TACC1: variants seen among roughly 807,000 people sequenced by gnomAD.
TACC1 encodes transforming acidic coiled-coil containing protein 1, also known as transforming acidic coiled-coil-containing protein 1.
A neutral mutation model predicts 84.4 loss-of-function variants in TACC1; 48 were observed. The ratio of observed to expected loss-of-function variants is 0.57; its 90% confidence interval spans 0.45 to 0.72. The LOEUF (loss-of-function observed/expected upper bound fraction) is 0.72, where lower values mean the gene tolerates loss of function less well. Ranked by LOEUF, TACC1 falls within the 30% of genes least tolerant of loss-of-function variation. The pLI, the probability that TACC1 is intolerant of heterozygous loss-of-function variation, is 0.00. For synonymous variants in TACC1, 372 were observed against 376.3 expected (o/e 0.99, Z 0.13); for missense variants, 920 against 973.0 (o/e 0.95, Z 0.72).
At chr8:38,831,565 G>A (rs1002966795) in intron 6 of TACC1, among the ~76,000 whole-genome samples, 1 of 152,166 alleles carries the variant, frequency 6.6e-6, no homozygotes, top group South Asian at 2.1e-4. Flanking sequence ...GTGCAATCTT[G>A]GCTAACTGCA....
intron 1 of TACC1, among the ~76,000 whole-genome samples, chr8:38,739,725 T>C (rs1806707820): frequency 6.6e-6 from 1 of 152,190 alleles, no homozygotes; most frequent in Non-Finnish European, 1.5e-5. Context: ...CATTACAGTA[T>C]CATATAAAAC....
chr8:38,836,345 C>T (rs1385617091), intron 7 of TACC1, 58 bp downstream of exon 7: 1 of 1,580,788 alleles, frequency 6.3e-7, no homozygotes, highest in Non-Finnish European at 8.6e-7. Flanking sequence ...GGCCCATGTA[C>T]CAGCAGGTAG....
intron 3 of TACC1, chr8:38,824,527 T>A (rs1466529882): frequency 1.3e-5 from 2 of 152,430 alleles, no homozygotes; most frequent in Non-Finnish European, 2.9e-5. Flanking sequence ...ACTTATGTGC[T>A]TGTCTTTGTA....
exon 3 of TACC1, chr8:38,745,418 G>A: frequency 1.5e-6 from 1 of 647,194 alleles, no homozygotes; most frequent in Non-Finnish European, 2.8e-6. Context: ...TAAAAACCAG[G>A]AAAATGGAAC....
At chr8:38,783,102 C>CTATATATATATATA (rs779724480), upstream of TACC1, among the ~76,000 whole-genome samples, 1 of 97,204 alleles carries the variant, frequency 1.0e-5, no homozygotes, top group South Asian at 3.4e-4. Flanking sequence ...ATCTATCTAT[C>CTATATATATATATA]TATCTATATA....
intron 3 of TACC1, among the ~76,000 whole-genome samples, chr8:38,750,664 C>T (rs970241851): frequency 6.6e-6 from 1 of 152,174 alleles, no homozygotes; most frequent in African/African-American, 2.4e-5. Flanking sequence ...TCAATTCTGT[C>T]TCACATACTA....
At chr8:38,808,369 T>G (rs570590690) in intron 2 of TACC1, among the ~76,000 whole-genome samples, 15 of 152,368 alleles carry the variant, frequency 9.8e-5, no homozygotes, top group South Asian at 8.3e-4. Context: ...TAACTTCTTA[T>G]AAAAGTGACT....
chr8:38,790,111 T>A (rs1482468395), intron 2 of TACC1, among the ~76,000 whole-genome samples: 4 of 152,244 alleles, frequency 2.6e-5, no homozygotes, highest in African/African-American at 9.6e-5. Context: ...CCAGGAAGTC[T>A]GTCCTTGCCT....
At chr8:38,796,113 G>A (rs1302380331) in intron 2 of TACC1, among the ~76,000 whole-genome samples, 2 of 152,182 alleles carry the variant, frequency 1.3e-5, no homozygotes, top group Non-Finnish European at 1.5e-5. Context: ...TTTATTAGAT[G>A]TGTTGGGAAC....
chr8:38,790,915 C>T (rs998247314), intron 2 of TACC1, among the ~76,000 whole-genome samples: 2 of 152,196 alleles, frequency 1.3e-5, no homozygotes, highest in African/African-American at 4.8e-5. Context: ...CTGTGTAGCA[C>T]TCTCAGTGAT....
chr8:38,852,229 CTTTAT>C lies in TACC1; in HGVS notation c.*4208_*4212del, dbSNP rs2152352317. ...GACAAACAAGATTCCTAAGGAATGA[CTTTAT>C]TAACTATAATATGGTTACAGCTATT... On this transcript the variant is annotated 3_prime_UTR_variant, in exon 13 of 13. Transcript: ENST00000317827. 3.6e-6 allele frequency: 1 copy of C among 281,446 alleles called. No homozygotes were observed. The highest frequency in any genetic ancestry group is 3.4e-5 in the South Asian group (1 of 29,078). The allele number at this position is 281,446 out of a possible 1,614,324, so 17.4% of individuals were successfully genotyped here.
intron 1 of TACC1, among the ~76,000 whole-genome samples, chr8:38,734,350 A>C (rs1805541235): frequency 6.6e-6 from 1 of 151,838 alleles, no homozygotes; most frequent in South Asian, 2.1e-4. Flanking sequence ...CTGCCACCAC[A>C]CCAGCTAATT....
At chr8:38,800,566 G>C (rs536958813) in intron 2 of TACC1, among the ~76,000 whole-genome samples, 2 of 152,176 alleles carry the variant, frequency 1.3e-5, no homozygotes, top group South Asian at 4.2e-4. Context: ...TCAAGGTTCA[G>C]CTATGTTGTA....
intron 3 of TACC1, among the ~76,000 whole-genome samples, chr8:38,756,811 A>G (rs1446660580): frequency 6.6e-6 from 1 of 152,192 alleles, no homozygotes; most frequent in African/African-American, 2.4e-5. Flanking sequence ...GTTTAGGGGA[A>G]AGAGCATGCC....
rs1201285609 is a variant in TACC1, at chr8:38,840,229, T to C, written c.1922T>C (p.Ile641Thr). The C allele has an allele frequency of 6.2e-7, 1 of 1,608,892 alleles. No individual in the cohort carries two copies. Among genetic ancestry groups the C allele is most frequent in the East Asian group, 2.2e-5 (1 of 44,836 alleles). ...TRQEVLEMRK[I>T]VAEYEKTIAQ... ...GTTCTTTTTTTCTCATTTAGGAAAATTGTAGCTGAATATGAAAAGACTATT... is the reference window on the plus strand; with the variant it reads ...GTTCTTTTTTTCTCATTTAGGAAAACTGTAGCTGAATATGAAAAGACTATT... The change falls in exon 9 of 13, where the codon ATT becomes ACT. Residue 641 changes from isoleucine (I) to threonine (T), a missense_variant. Ile to Thr is a moderately conservative substitution (Grantham distance 89). This residue lies in a region of TACC1 where 158 missense variants were observed against 225.6 expected (regional missense o/e 0.70). Coordinates refer to ENST00000317827, the MANE Select transcript of TACC1 (RefSeq NM_006283.3).
chr8:38,752,464 CTG>C (rs1039848409), intron 3 of TACC1, among the ~76,000 whole-genome samples: 1 of 152,156 alleles, frequency 6.6e-6, no homozygotes, highest in Non-Finnish European at 1.5e-5. Context: ...GAGCGAGACT[CTG>C]TCTCAAAACA....
At chr8:38,816,114 A>G (rs1825388004) in intron 2 of TACC1, among the ~76,000 whole-genome samples, 2 of 152,200 alleles carry the variant, frequency 1.3e-5, no homozygotes, top group Admixed American at 6.5e-5. Flanking sequence ...AAACTATTCC[A>G]AAAGTCTGTA....
At chr8:38,816,916 G>A (rs1825562926) in intron 2 of TACC1, among the ~76,000 whole-genome samples, 1 of 152,090 alleles carries the variant, frequency 6.6e-6, no homozygotes, top group Admixed American at 6.5e-5. Flanking sequence ...GCTGAAAGTT[G>A]CAACCCTCTA....
chr8:38,806,755 C>G (rs1327497128), intron 2 of TACC1, among the ~76,000 whole-genome samples: 1 of 152,162 alleles, frequency 6.6e-6, no homozygotes, highest in Non-Finnish European at 1.5e-5. Flanking sequence ...CTCTTCTATA[C>G]CAGTTCTCTG....
Sources: gnomAD v4.1 joint callset for allele counts (sites outside exome capture counted in the v4.1 genomes callset) on GRCh38, gnomAD v4.1.1 for gene constraint, gnomAD v4.1.1 regional missense constraint, MANE v1.5 for transcripts, NCBI Gene and HGNC (gene_info 2026-07-23, HGNC 2026-07-21) for gene names.